Variants in CLOCK observed in about 807,000 individuals in gnomAD.
CLOCK encodes the protein clock circadian regulator, also known as circadian locomoter output cycles protein kaput.
CLOCK carries 43 observed loss-of-function variants against 118.4 expected under a neutral mutation model. The observed-to-expected ratio is 0.36, with a 90% CI of 0.28 to 0.47. The LOEUF is 0.47. Ranked by LOEUF, CLOCK falls within the 20% of genes least tolerant of loss-of-function variation. The pLI, the probability that CLOCK is intolerant of heterozygous loss-of-function variation, is 1.00. For synonymous variants in CLOCK, 326 were observed against 339.2 expected (o/e 0.96, Z 0.43); for missense variants, 846 against 999.9 (o/e 0.85, Z 2.08).
chr4:55,459,813 C>T (rs937803349), intron 9 of CLOCK, among the ~76,000 whole-genome samples: 8 of 152,140 alleles, frequency 5.3e-5, no homozygotes, highest in African/African-American at 1.9e-4. Context: ...CAGGTGTGAG[C>T]CACCATGCCT....
chr4:55,482,808 T>C lies in CLOCK; in HGVS notation c.-23A>G, dbSNP rs770488261. Reference sequence around the variant, plus strand: ...CATAACATACTACGTTTTCGTCTTGTAGTAGACATTTGTACTTCTCCTTAG... The same window carrying C: ...CATAACATACTACGTTTTCGTCTTGCAGTAGACATTTGTACTTCTCCTTAG... On this transcript the variant is annotated 5_prime_UTR_variant, in exon 4 of 23. Transcript: ENST00000513440. 1.3e-6 allele frequency: 2 copies of C among 1,585,206 alleles called. No homozygotes were observed. The highest frequency in any genetic ancestry group is 1.3e-5 in the African/African-American group (1 of 74,334).
At chr4:55,510,352 T>A (rs3828480) in intron 1 of CLOCK, among the ~76,000 whole-genome samples, 4 of 151,974 alleles carry the variant, frequency 2.6e-5, no homozygotes, top group African/African-American at 9.7e-5. Flanking sequence ...CTGGGACGGG[T>A]GCGGTGGCTC....
At chr4:55,510,760 G>GT (rs1329583361) in intron 1 of CLOCK, among the ~76,000 whole-genome samples, 2 of 152,030 alleles carry the variant, frequency 1.3e-5, no homozygotes, top group African/African-American at 4.8e-5. Flanking sequence ...AGGGAACAGT[G>GT]TGTTCAAATG....
At chr4:55,545,770 G>A (rs1731575897) in intron 1 of CLOCK, 1 of 152,276 alleles carries the variant, frequency 6.6e-6, no homozygotes, top group Non-Finnish European at 1.5e-5. Flanking sequence ...CCAGGGGCCA[G>A]AGCGCCAGAG....
At chr4:55,472,182 T>C (rs922631741) in intron 7 of CLOCK, among the ~76,000 whole-genome samples, 1 of 151,934 alleles carries the variant, frequency 6.6e-6, no homozygotes, top group African/African-American at 2.4e-5. Context: ...AGGAGAGGAA[T>C]GGTTTGGTAT....
intron 3 of CLOCK, among the ~76,000 whole-genome samples, chr4:55,487,024 T>C (rs1273947719): frequency 6.6e-6 from 1 of 152,294 alleles, no homozygotes; most frequent in East Asian, 1.9e-4. Context: ...TTCTCTACCA[T>C]TTTCCATTTC....
chr4:55,470,058 T>G (rs1165531079), intron 8 of CLOCK, among the ~76,000 whole-genome samples: 1 of 152,186 alleles, frequency 6.6e-6, no homozygotes, highest in African/African-American at 2.4e-5. Context: ...AAGCTAAGGC[T>G]AATTATTATT....
Position 55,456,021 on chromosome 4 carries a change from C to T in CLOCK, c.876-18G>A. The T allele has an allele frequency of 6.4e-7, 1 of 1,563,230 alleles. No homozygotes were observed. On this transcript the variant is annotated intron_variant, in intron 12 of 22. Coordinates refer to ENST00000513440, the MANE Select transcript of CLOCK (RefSeq NM_004898.4). ...GTGGTGCCCTAAATTACACAGAAAA[C>T]AATCATTATTATAAGTTTTTCCATA...
Position 55,444,560 on chromosome 4 carries a change from A to G in CLOCK, c.1692+73T>C. The stretch of plus-strand genomic sequence containing the variant: ...TATCTCTTGCATCTCACTTTTAATT[A>G]AGAAAAGTTAATTTTCCTAGAAATC... On this transcript the variant is annotated intron_variant, in intron 19 of 22. Coordinates refer to ENST00000513440, the MANE Select transcript of CLOCK (RefSeq NM_004898.4). The G allele has an allele frequency of 1.9e-6, 3 of 1,585,034 alleles. 1 individual carries two copies. In the South Asian group the frequency reaches 3.3e-5, roughly 18 times the overall value.
chr4:55,540,349 G>C (rs1731179037), intron 1 of CLOCK, among the ~76,000 whole-genome samples: 1 of 137,900 alleles, frequency 7.3e-6, no homozygotes, highest in African/African-American at 2.6e-5. Context: ...CCACATTAGG[G>C]ATGTGCTATT....
At chr4:55,440,709 A>C (rs1460952059) in intron 21 of CLOCK, among the ~76,000 whole-genome samples, 1 of 152,210 alleles carries the variant, frequency 6.6e-6, no homozygotes, top group Non-Finnish European at 1.5e-5. Flanking sequence ...TTAAATTAAT[A>C]CCTGAATTAG....
At chr4:55,470,398 C>T (rs1408752598) in intron 8 of CLOCK, among the ~76,000 whole-genome samples, 3 of 152,084 alleles carry the variant, frequency 2.0e-5, no homozygotes, top group African/African-American at 7.2e-5. Context: ...CTATATATAC[C>T]ATATAGCCTA....
At chr4:55,474,160 T>C (rs1194533283) in intron 7 of CLOCK, among the ~76,000 whole-genome samples, 1 of 152,128 alleles carries the variant, frequency 6.6e-6, no homozygotes, top group Non-Finnish European at 1.5e-5. Context: ...AAAGTTTTAG[T>C]GAACACATGT....
chr4:55,450,047 T>G, intron 16 of CLOCK, 44 bp downstream of exon 16: 1 of 1,609,204 alleles, frequency 6.2e-7, no homozygotes, highest in Non-Finnish European at 8.5e-7. Flanking sequence ...AAAAGTTTAG[T>G]TAGTTACTTT....
chr4:55,452,505 G>A (rs1028095503), intron 15 of CLOCK: 1 of 153,816 alleles, frequency 6.5e-6, no homozygotes, highest in African/African-American at 2.4e-5. Flanking sequence ...AACTGTGCCT[G>A]GACTCTTGAC....
At chr4:55,471,627 A>C (rs1310114236) in intron 7 of CLOCK, among the ~76,000 whole-genome samples, 3 of 152,226 alleles carry the variant, frequency 2.0e-5, no homozygotes, top group Non-Finnish European at 2.9e-5. Flanking sequence ...GACTTAATAA[A>C]AATGCAATTT....
intron 2 of CLOCK, among the ~76,000 whole-genome samples, chr4:55,504,008 G>A (rs1162439821): frequency 1.2e-5 from 1 of 82,958 alleles, no homozygotes; most frequent in African/African-American, 3.5e-5. Context: ...AAAAAAGCCG[G>A]GCACAGTGGC....
At chr4:55,441,318 C>T (rs1412218337) in intron 21 of CLOCK, among the ~76,000 whole-genome samples, 6 of 152,134 alleles carry the variant, frequency 3.9e-5, no homozygotes, top group African/African-American at 7.2e-5. Context: ...CTGGTGGGAA[C>T]GTGAGATTTC....
At chr4:55,441,031 CT>C (rs1445471630) in intron 21 of CLOCK, among the ~76,000 whole-genome samples, 2 of 152,196 alleles carry the variant, frequency 1.3e-5, no homozygotes, top group African/African-American at 4.8e-5. Context: ...CTAAAGACCT[CT>C]GAAGTATTCA....
Sources: gnomAD v4.1 joint callset for allele counts (sites outside exome capture counted in the v4.1 genomes callset) on GRCh38, gnomAD v4.1.1 for gene constraint, MANE v1.5 for transcripts, NCBI Gene and HGNC (gene_info 2026-07-23, HGNC 2026-07-21) for gene names.